RGS6: variants seen among roughly 807,000 people sequenced by gnomAD.
RGS6 encodes regulator of G-protein signaling 6.
In RGS6, 30 loss-of-function variants were observed where a neutral mutation model predicts 78.5. The observed-to-expected ratio is 0.38, with a 90% CI of 0.29 to 0.52. The LOEUF (loss-of-function observed/expected upper bound fraction) is 0.52, where lower values mean the gene tolerates loss of function less well. Ranked by LOEUF, RGS6 falls within the 20% of genes least tolerant of loss-of-function variation. The pLI is 0.85. For missense variants in RGS6, 495 were observed against 609.7 expected, an observed-to-expected ratio of 0.81 and a Z score of 1.98; for synonymous variants, 206 against 206.0, an observed-to-expected ratio of 1.00 and a Z score of 0.00.
intron 3 of RGS6, among the ~76,000 whole-genome samples, chr14:72,434,236 C>G (rs2094795430): frequency 6.6e-6 from 1 of 152,190 alleles, no homozygotes; most frequent in South Asian, 2.1e-4. Flanking sequence ...ACTCCAAACA[C>G]TGAGGCAGGA....
chr14:72,550,804 C>T (rs2097495200), intron 17 of RGS6: 1 of 553,140 alleles, frequency 1.8e-6, no homozygotes, highest in Non-Finnish European at 2.8e-6. Flanking sequence ...TCATAGCTTG[C>T]TTGCTTGCTT....
the RGS6 span, among the ~76,000 whole-genome samples, chr14:71,879,062 G>T: frequency 1.3e-5 from 2 of 151,734 alleles, no homozygotes; most frequent in African/African-American, 4.8e-5. Context: ...CCCTTACCTG[G>T]GTTCTCAACC....
In RGS6 at chr14:72,381,786, C is replaced by G. The variant is rs2086193622; in HGVS notation, c.184+29592C>G. ...GGGGCTTAATCTAAACAATCATGGACTGTATAAAGAAAAAGCAATAATATC... is the reference window on the plus strand; with the variant it reads ...GGGGCTTAATCTAAACAATCATGGAGTGTATAAAGAAAAAGCAATAATATC... On this transcript the variant is annotated intron_variant, in intron 3 of 17. Transcript: ENST00000553525. Among the ~76,000 whole-genome samples, 4 of 151,904 alleles carry G rather than the reference C, an allele frequency of 2.6e-5. No homozygotes were observed. The South Asian group carries it at 8.3e-4, about 32-fold the overall frequency.
chr14:72,025,672 A>G (rs1489948276), intron 2 of RGS6, among the ~76,000 whole-genome samples: 3 of 152,178 alleles, frequency 2.0e-5, no homozygotes, highest in East Asian at 1.9e-4. Flanking sequence ...GAAACTTTCA[A>G]ATTAGTAATA....
intron 1 of RGS6, among the ~76,000 whole-genome samples, chr14:71,953,205 C>G (rs2092491284): frequency 1.3e-5 from 2 of 152,150 alleles, no homozygotes; most frequent in Admixed American, 1.3e-4. Context: ...TAGAACGCAA[C>G]TTGACCTTCC....
At chr14:72,459,029 G>C (rs2095707419) in intron 5 of RGS6, among the ~76,000 whole-genome samples, 1 of 152,148 alleles carries the variant, frequency 6.6e-6, no homozygotes, top group Non-Finnish European at 1.5e-5. Flanking sequence ...AAACTGAATT[G>C]CTCAAAGAAT....
At chr14:72,366,301 G>T (rs1446559340) in intron 3 of RGS6, among the ~76,000 whole-genome samples, 1 of 152,162 alleles carries the variant, frequency 6.6e-6, no homozygotes, top group Non-Finnish European at 1.5e-5. Flanking sequence ...GGTTCGAAAT[G>T]TTGGGATTGG....
At chr14:72,205,741 G>A (rs2042558691) in intron 2 of RGS6, among the ~76,000 whole-genome samples, 1 of 152,200 alleles carries the variant, frequency 6.6e-6, no homozygotes, top group Admixed American at 6.5e-5. Context: ...ATAGTTTACT[G>A]GCTAAGGCTC....
intron 2 of RGS6, among the ~76,000 whole-genome samples, chr14:72,323,610 T>A (rs937260245): frequency 2.9e-4 from 44 of 151,478 alleles, no homozygotes; most frequent in Non-Finnish European, 6.3e-4. Context: ...GTGACCTGCC[T>A]GGCCAATATG....
At chr14:72,454,680 G>A in intron 4 of RGS6, 102 bp downstream of exon 4, 3 of 828,288 alleles carry the variant, frequency 3.6e-6, no homozygotes, top group Non-Finnish European at 5.8e-6. Flanking sequence ...AACTGGTCTT[G>A]TAAATGTGAA....
intron 2 of RGS6, among the ~76,000 whole-genome samples, chr14:72,349,670 G>A (rs766675640): frequency 6.6e-6 from 1 of 152,120 alleles, no homozygotes; most frequent in Non-Finnish European, 1.5e-5. Context: ...TAAATTGTGG[G>A]CAAACATAAG....
chr14:72,004,454 TG>T, intron 2 of RGS6, among the ~76,000 whole-genome samples: 1 of 152,202 alleles, frequency 6.6e-6, no homozygotes, highest in Non-Finnish European at 1.5e-5. Flanking sequence ...ACTGAAAGAA[TG>T]AAAGTTAAAA....
At chr14:72,541,122 G>T in intron 17 of RGS6, 1 of 1,365,552 alleles carries the variant, frequency 7.3e-7, no homozygotes, top group Non-Finnish European at 9.7e-7. Context: ...AGGGTCCCAT[G>T]CAGGGAGCTG....
chr14:72,471,702 C>T lies in RGS6; in HGVS notation c.537-1170C>T, dbSNP rs530267666. 2.7e-4 allele frequency among the ~76,000 whole-genome samples: 41 copies of T among 152,324 alleles called. 1 individual carries two copies. Among genetic ancestry groups the T allele is most frequent in the South Asian group, 6.2e-4 (3 of 4,832 alleles). ...CTCTGCCTTTCTCCTGTCCATGATG[C>T]CAGCCACCTCCTGACCACCCAGCAG... is the stretch of plus-strand genomic sequence containing the variant. On this transcript the variant is annotated intron_variant, in intron 8 of 17. Transcript: ENST00000553525.
chr14:71,945,040 G>T (rs1017539228), intron 1 of RGS6, among the ~76,000 whole-genome samples: 3 of 152,128 alleles, frequency 2.0e-5, no homozygotes, highest in African/African-American at 7.2e-5. Context: ...CATGTATGTG[G>T]TCCATCACTG....
the RGS6 span, among the ~76,000 whole-genome samples, chr14:71,880,968 T>G: frequency 6.6e-6 from 1 of 152,250 alleles, no homozygotes; most frequent in African/African-American, 2.4e-5. Context: ...GGGTGTACCC[T>G]GCAAAGCCAC....
At chr14:72,164,806 T>C (rs994903282) in intron 2 of RGS6, among the ~76,000 whole-genome samples, 2 of 152,236 alleles carry the variant, frequency 1.3e-5, no homozygotes, top group African/African-American at 4.8e-5. Context: ...AGCGACTGAC[T>C]TAAATTTATA....
intron 2 of RGS6, among the ~76,000 whole-genome samples, chr14:72,175,432 C>T (rs115435298): frequency 2.0e-5 from 3 of 152,188 alleles, no homozygotes; most frequent in African/African-American, 7.2e-5. Flanking sequence ...TGTGACCTAT[C>T]TATACTGACT....
At chr14:72,333,920 A>C (rs2075535947) in intron 2 of RGS6, among the ~76,000 whole-genome samples, 1 of 152,152 alleles carries the variant, frequency 6.6e-6, no homozygotes, top group African/African-American at 2.4e-5. Context: ...TGCATCCCCA[A>C]ATGAGCTACC....
Sources: gnomAD v4.1 joint callset for allele counts (sites outside exome capture counted in the v4.1 genomes callset) on GRCh38, gnomAD v4.1.1 for gene constraint, MANE v1.5 for transcripts, NCBI Gene and HGNC (gene_info 2026-07-23, HGNC 2026-07-21) for gene names.